The following ARHGEF3 variants were observed in gnomAD, a reference collection of about 807,000 sequenced individuals.
ARHGEF3 encodes Rho guanine nucleotide exchange factor 3.
In ARHGEF3, 28 loss-of-function variants were observed where a neutral mutation model predicts 63.2. The observed-to-expected ratio is 0.44, with a 90% CI of 0.33 to 0.61. The LOEUF is 0.61. Among genes scored for constraint, ARHGEF3 ranks in the 20% least tolerant of loss-of-function variants. The pLI is 0.03. For missense variants in ARHGEF3, 533 were observed against 659.3 expected (o/e 0.81, Z 2.10); for synonymous variants, 266 against 254.2 (o/e 1.05, Z -0.44).
chr3:57,028,292 C>T, intron 2 of ARHGEF3, among the ~76,000 whole-genome samples: 1 of 95,824 alleles, frequency 1.0e-5, no homozygotes, highest in Non-Finnish European at 2.1e-5. Context: ...GGAACCAACC[C>T]AAATGTCCAA....
At chr3:56,878,553 T>TA (rs1361058150) in intron 4 of ARHGEF3, among the ~76,000 whole-genome samples, 1 of 152,180 alleles carries the variant, frequency 6.6e-6, no homozygotes, top group African/African-American at 2.4e-5. Context: ...TATTTGGAGA[T>TA]ACGTCACCCA....
At chr3:56,992,196 C>T (rs1293885640) in intron 2 of ARHGEF3, among the ~76,000 whole-genome samples, 1 of 151,260 alleles carries the variant, frequency 6.6e-6, no homozygotes, top group East Asian at 1.9e-4. Context: ...CCTGCTAGTT[C>T]GCTCATTAAT....
In ARHGEF3 at chr3:56,795,655, C is replaced by CTTTTT. The variant is rs11306302; in HGVS notation, c.96+6043_96+6047dup. 7.7e-5 allele frequency among the ~76,000 whole-genome samples: 10 copies of CTTTTT among 130,566 alleles called. No individual in the cohort carries two copies. The South Asian group carries it at 7.8e-4, about 10-fold the overall frequency. The allele number at this position is 130,566 out of a possible 152,430, so 85.7% of individuals were successfully genotyped here. ...TTAACTTGTGACACAGTCTCTCTCT[C>CTTTTT]TTTTTTTTTTTTGAAGATGGACTCT... On this transcript the variant is annotated intron_variant, in intron 1 of 9. Transcript: ENST00000296315.
chr3:56,742,228 C>T (rs1200562755), intron 7 of ARHGEF3, among the ~76,000 whole-genome samples: 9 of 151,604 alleles, frequency 5.9e-5, no homozygotes, highest in African/African-American at 1.9e-4. Context: ...GGAAGGGATG[C>T]TCTGCAGGAT....
chr3:56,995,664 A>AGAGAGAGAGAGAGAGAGG, intron 2 of ARHGEF3, among the ~76,000 whole-genome samples: 1 of 123,230 alleles, frequency 8.1e-6, no homozygotes, highest in African/African-American at 2.8e-5. Context: ...AGAGAGAGAG[A>AGAGAGAGAGAGAGAGAGG]GAGAGAGAAT....
intron 1 of ARHGEF3, chr3:57,074,288 T>A (rs1706102860): frequency 1.4e-5 from 23 of 1,587,516 alleles, no homozygotes; most frequent in Non-Finnish European, 2.0e-5. Flanking sequence ...TCCTGCAACA[T>A]CTGAGAGTCT....
At chr3:56,753,439 G>C in intron 4 of ARHGEF3, 65 bp downstream of exon 4, 1 of 1,385,514 alleles carries the variant, frequency 7.2e-7, no homozygotes, top group Non-Finnish European at 1.0e-6. Flanking sequence ...ACCACTTTAG[G>C]GTTGTGAAAT....
intron 1 of ARHGEF3, among the ~76,000 whole-genome samples, chr3:57,055,541 A>T (rs929618665): frequency 6.6e-6 from 1 of 152,142 alleles, no homozygotes; most frequent in Admixed American, 6.6e-5. Context: ...ATTATCTTCT[A>T]GAAACTCCAT....
intron 1 of ARHGEF3, among the ~76,000 whole-genome samples, chr3:57,037,032 C>T (rs752465): frequency 0.33 from 50,522 of 152,062 alleles, 8,755 homozygotes; most frequent in African/African-American, 0.41. Flanking sequence ...CCTCCAGTGC[C>T]GGTCTTTAAC....
intron 2 of ARHGEF3, among the ~76,000 whole-genome samples, chr3:56,986,013 A>G (rs1009923188): frequency 2.0e-5 from 3 of 152,160 alleles, no homozygotes; most frequent in African/African-American, 7.2e-5. Context: ...AACTTACCAA[A>G]CATCAATATA....
rs1380595459 is a variant in ARHGEF3, at chr3:56,728,632, T to C, written c.*638A>G. 1 of 152,532 alleles carries C rather than the reference T, an allele frequency of 6.6e-6. No individual in the cohort carries two copies. The highest frequency in any genetic ancestry group is 1.5e-5 in the Non-Finnish European group (1 of 68,062). The allele number at this position is 152,532 out of a possible 1,614,324, so 9.4% of individuals were successfully genotyped here. The stretch of plus-strand genomic sequence containing the variant: ...GGCCCTTTTAAGGTCAGCCTCTATT[T>C]TATGTCCTAATACATTCTTGCATCA... On this transcript the variant is annotated 3_prime_UTR_variant, in exon 10 of 10. Transcript: ENST00000296315.
chr3:57,044,702 G>T (rs561195700), intron 1 of ARHGEF3, among the ~76,000 whole-genome samples: 3 of 152,260 alleles, frequency 2.0e-5, no homozygotes, highest in South Asian at 4.1e-4. Context: ...TTGGGGAGAA[G>T]GTTAGTCAGT....
chr3:57,052,708 T>C (rs937240901), intron 1 of ARHGEF3, among the ~76,000 whole-genome samples: 2 of 152,124 alleles, frequency 1.3e-5, no homozygotes, highest in Non-Finnish European at 2.9e-5. Flanking sequence ...AAATTCACAG[T>C]ATGCTTGCAT....
At chr3:56,975,048 C>T (rs1040274863) in intron 2 of ARHGEF3, among the ~76,000 whole-genome samples, 3 of 152,224 alleles carry the variant, frequency 2.0e-5, no homozygotes, top group Non-Finnish European at 2.9e-5. Context: ...AGCACCACTG[C>T]CCATTATCAT....
At chr3:56,772,382 C>A (rs545709860) in intron 2 of ARHGEF3, among the ~76,000 whole-genome samples, 2 of 152,290 alleles carry the variant, frequency 1.3e-5, no homozygotes, top group South Asian at 4.1e-4. Context: ...AAACAGTTCT[C>A]AAGTCATGGA....
At chr3:56,954,887 T>A (rs974731808) in intron 3 of ARHGEF3, among the ~76,000 whole-genome samples, 2 of 152,210 alleles carry the variant, frequency 1.3e-5, no homozygotes, top group African/African-American at 4.8e-5. Flanking sequence ...TGAGGACTAA[T>A]GGAGGTCTGC....
intron 3 of ARHGEF3, among the ~76,000 whole-genome samples, chr3:56,945,543 ACTGCAAGGCAG>A (rs929162776): frequency 3.3e-5 from 5 of 152,120 alleles, no homozygotes; most frequent in Admixed American, 1.3e-4. Flanking sequence ...CTGAGATCAA[ACTGCAAGGCAG>A]CTGCAAGGCA....
chr3:56,926,151 C>T (rs907584582), intron 3 of ARHGEF3, among the ~76,000 whole-genome samples: 1 of 152,224 alleles, frequency 6.6e-6, no homozygotes, highest in African/African-American at 2.4e-5. Context: ...TCCCCAATGA[C>T]AGTGCCATTC....
At chr3:57,035,124 T>C in exon 2 of ARHGEF3, 1 of 1,549,122 alleles carries the variant, frequency 6.5e-7, no homozygotes, top group East Asian at 2.4e-5. Flanking sequence ...ACAGCTGCAT[T>C]GATTCATTGC....
Sources: gnomAD v4.1 joint callset for allele counts (sites outside exome capture counted in the v4.1 genomes callset) on GRCh38, gnomAD v4.1.1 for gene constraint, MANE v1.5 for transcripts, NCBI Gene and HGNC (gene_info 2026-07-23, HGNC 2026-07-21) for gene names.